Variants in PPP4R1 observed in about 807,000 individuals in gnomAD.
PPP4R1 encodes the protein serine/threonine-protein phosphatase 4 regulatory subunit 1.
PPP4R1 carries 42 observed loss-of-function variants against 111.2 expected under a neutral mutation model. That is an observed-to-expected ratio of 0.38 (90% CI 0.29 to 0.49). PPP4R1 has a LOEUF of 0.49. Ranked by LOEUF, PPP4R1 falls within the 20% of genes least tolerant of loss-of-function variation. PPP4R1 has a pLI of 0.97. For synonymous variants in PPP4R1, 409 were observed against 405.5 expected (o/e 1.01, Z -0.10); for missense variants, 1,012 against 1,161.6 (o/e 0.87, Z 1.87).
intron 19 of PPP4R1, 39 bp from the exon 20 acceptor site, chr18:9,547,991 C>T: frequency 1.3e-6 from 2 of 1,598,258 alleles, no homozygotes; most frequent in Non-Finnish European, 1.7e-6. Flanking sequence ...GAAACCAGTC[C>T]AACGGAACAC....
At chr18:9,596,448 T>C (rs1317788623) in intron 2 of PPP4R1, among the ~76,000 whole-genome samples, 1 of 152,220 alleles carries the variant, frequency 6.6e-6, no homozygotes, top group Non-Finnish European at 1.5e-5. Flanking sequence ...TTACTTATAG[T>C]CTGTCTCTCT....
At chr18:9,596,150 T>G (rs1568121716) in intron 2 of PPP4R1, among the ~76,000 whole-genome samples, 1 of 152,248 alleles carries the variant, frequency 6.6e-6, no homozygotes, top group African/African-American at 2.4e-5. Context: ...TTTTGTTCTG[T>G]TCCTAATGTT....
At chr18:9,564,846 G>A (rs1351050854) in intron 11 of PPP4R1, among the ~76,000 whole-genome samples, 6 of 150,812 alleles carry the variant, frequency 4.0e-5, no homozygotes, top group African/African-American at 1.2e-4. Flanking sequence ...TCTTTAAAGA[G>A]GTGAGGTCCC....
chr18:9,592,224 T>A (rs2067222856), intron 4 of PPP4R1, among the ~76,000 whole-genome samples: 1 of 152,198 alleles, frequency 6.6e-6, no homozygotes, highest in East Asian at 1.9e-4. Context: ...ACCTTTACAA[T>A]CTAGCCCTCA....
chr18:9,605,566 C>CAAAAAA (rs34208690), intron 2 of PPP4R1, among the ~76,000 whole-genome samples: 12 of 67,636 alleles, frequency 1.8e-4, no homozygotes, highest in Admixed American at 6.0e-4. Flanking sequence ...GCAGTCCTGT[C>CAAAAAA]AAAAAAAAAA....
intron 9 of PPP4R1, among the ~76,000 whole-genome samples, chr18:9,578,339 G>C (rs2066971431): frequency 6.6e-6 from 1 of 152,168 alleles, no homozygotes; most frequent in Non-Finnish European, 1.5e-5. Flanking sequence ...TGGCTTAAGT[G>C]ATCTTCCAAC....
chr18:9,571,740 GA>G (rs1316246895), intron 10 of PPP4R1, among the ~76,000 whole-genome samples: 1 of 152,198 alleles, frequency 6.6e-6, no homozygotes, highest in Non-Finnish European at 1.5e-5. Flanking sequence ...CGGAGTGGCA[GA>G]AAAGGTGTGA....
chr18:9,550,625 A>G lies in PPP4R1; in HGVS notation c.2292-227T>C. 3 of 519,364 alleles carry G rather than the reference A, an allele frequency of 5.8e-6. No individual in the cohort carries two copies. The South Asian group carries it at 6.7e-5, about 12-fold the overall frequency. The allele number at this position is 519,364 out of a possible 1,614,324, so 32.2% of individuals were successfully genotyped here. A position where few individuals can be genotyped will look rare whatever the true frequency, so the allele number is the denominator to read the frequency against. Reference sequence around the variant, plus strand: ...GTTCCTTAGAGTGTAAGGAAAACAAAAGCTGTAGAGTTCTGCATCCATGGG... The same window carrying G: ...GTTCCTTAGAGTGTAAGGAAAACAAGAGCTGTAGAGTTCTGCATCCATGGG... On this transcript the variant is annotated intron_variant, in intron 16 of 19. Transcript: ENST00000400556.
In PPP4R1 at chr18:9,579,237, T is replaced by TA. The variant is rs1216712408; in HGVS notation, c.919-2047dup. 2.0e-5 allele frequency among the ~76,000 whole-genome samples: 3 copies of TA among 152,194 alleles called. No homozygotes were observed. In the East Asian group the frequency reaches 5.8e-4, roughly 29 times the overall value. On this transcript the variant is annotated intron_variant, in intron 9 of 19. Coordinates refer to ENST00000400556, the MANE Select transcript of PPP4R1 (RefSeq NM_001042388.3). Reference sequence around the variant, plus strand: ...TTCTACTTTGAGCTATTCCTCAAAATAAAGTGATTTTAAGCTATTATTTTT... The same window carrying TA: ...TTCTACTTTGAGCTATTCCTCAAAATAAAAGTGATTTTAAGCTATTATTTTT...
intron 2 of PPP4R1, among the ~76,000 whole-genome samples, chr18:9,596,796 C>G (rs1238534833): frequency 6.6e-6 from 1 of 152,144 alleles, no homozygotes; most frequent in Non-Finnish European, 1.5e-5. Flanking sequence ...CTACTTTAAA[C>G]AGATAACATT....
chr18:9,557,881 T>C (rs2066613421), intron 14 of PPP4R1, among the ~76,000 whole-genome samples: 1 of 152,212 alleles, frequency 6.6e-6, no homozygotes, highest in South Asian at 2.1e-4. Flanking sequence ...AAAGGATCTC[T>C]AGCACCCTCC....
At chr18:9,583,326 A>T (rs1281913703) in intron 8 of PPP4R1, 51 bp from the exon 9 acceptor site, 1 of 1,397,248 alleles carries the variant, frequency 7.2e-7, no homozygotes, top group Non-Finnish European at 9.6e-7. Flanking sequence ...AGCAGATTTC[A>T]TCAGTTACTT....
At chr18:9,594,802 A>AT (rs71168074) in intron 3 of PPP4R1, 150,130 of 393,076 alleles carry the variant, frequency 0.38, 19,525 homozygotes, top group East Asian at 0.46. Flanking sequence ...ATTAATGGTA[A>AT]TTTTTTTTTT....
intron 15 of PPP4R1, among the ~76,000 whole-genome samples, chr18:9,556,255 T>G (rs540585422): frequency 1.1e-4 from 17 of 150,710 alleles, no homozygotes; most frequent in Non-Finnish European, 1.8e-4. Context: ...TGCAGTGGCA[T>G]GATCTTGGCT....
At chr18:9,564,724 G>T (rs910170416) in intron 11 of PPP4R1, among the ~76,000 whole-genome samples, 5 of 50,832 alleles carry the variant, frequency 9.8e-5, no homozygotes, top group African/African-American at 1.4e-4. Flanking sequence ...GTGTGTGTGT[G>T]TGTGTGTGTG....
intron 16 of PPP4R1, chr18:9,551,712 T>C (rs2066491431): frequency 6.6e-6 from 1 of 152,174 alleles, no homozygotes; most frequent in Non-Finnish European, 1.5e-5. Context: ...ACTGCAACTG[T>C]GGGAGAGGAG....
At chr18:9,562,123 T>G in intron 12 of PPP4R1, 48 bp from the exon 13 acceptor site, 1 of 1,387,010 alleles carries the variant, frequency 7.2e-7, no homozygotes, top group Non-Finnish European at 1.0e-6. Flanking sequence ...TCTGTACATC[T>G]TCATTTAAGC....
chr18:9,563,408 A>G lies in PPP4R1; in HGVS notation c.1716T>C (p.Asp572=). 7 of 1,612,884 alleles carry G rather than the reference A, an allele frequency of 4.3e-6. No individual in the cohort carries two copies. The highest frequency in any genetic ancestry group is 4.2e-6 in the Non-Finnish European group (5 of 1,179,426). ...ELPNCKINQE[D]SVPLISDAVE... The stretch of plus-strand genomic sequence containing the variant: ...CAGCATCGCTGATTAAAGGCACAGA[A>G]TCTTCTTGATTTATTTTACAATTTG... The change falls in exon 12 of 20, where the codon GAT becomes GAC. Residue 572 remains aspartate, a synonymous_variant. Transcript: ENST00000400556.
At chr18:9,610,216 T>C (rs549436485) in intron 2 of PPP4R1, among the ~76,000 whole-genome samples, 2 of 152,224 alleles carry the variant, frequency 1.3e-5, no homozygotes, top group Non-Finnish European at 2.9e-5. Context: ...CTTTGGAAAC[T>C]AAAACAGAAA....
Sources: allele counts gnomAD v4.1 joint callset (sites outside exome capture counted in the v4.1 genomes callset), GRCh38; gene constraint gnomAD v4.1.1; transcripts MANE v1.5; gene names NCBI Gene and HGNC (gene_info 2026-07-23, HGNC 2026-07-21).